ROBO1: variants seen among roughly 807,000 people sequenced by gnomAD.
The protein encoded by ROBO1 is roundabout homolog 1.
A neutral mutation model predicts 195.9 loss-of-function variants in ROBO1; 149 were observed. The ratio of observed to expected loss-of-function variants is 0.76; its 90% CI spans 0.67 to 0.87. ROBO1 has a LOEUF of 0.87. ROBO1 is among the 40% of genes least tolerant of loss of function. The probability of loss-of-function intolerance (pLI) is 0.00; values close to 1 mark genes in which losing one functional copy is unlikely to be tolerated. For synonymous variants in ROBO1, 816 were observed against 733.2 expected (o/e 1.11, Z -1.82); for missense variants, 1,933 against 2,068.3 (o/e 0.93, Z 1.27).
chr3:79,435,848 C>T (rs1575822757), intron 2 of ROBO1, among the ~76,000 whole-genome samples: 1 of 152,170 alleles, frequency 6.6e-6, no homozygotes, highest in Non-Finnish European at 1.5e-5. Flanking sequence ...GATAATTGAG[C>T]TATCTCTAAA....
chr3:78,928,444 A>T (rs969191827), intron 4 of ROBO1, among the ~76,000 whole-genome samples: 1 of 147,832 alleles, frequency 6.8e-6, no homozygotes, highest in East Asian at 1.9e-4. Flanking sequence ...CTTTTTAAAA[A>T]GAAAAGAAGA....
At chr3:78,819,328 C>A (rs2030581805) in intron 4 of ROBO1, among the ~76,000 whole-genome samples, 1 of 151,268 alleles carries the variant, frequency 6.6e-6, no homozygotes, top group African/African-American at 2.4e-5. Context: ...AGTCATAAAA[C>A]TTCATTTCTA....
intron 3 of ROBO1, among the ~76,000 whole-genome samples, chr3:79,017,117 T>C (rs1379034183): frequency 6.6e-6 from 1 of 152,184 alleles, no homozygotes; most frequent in Non-Finnish European, 1.5e-5. Context: ...TTTAAAGAAG[T>C]AACAATTTAA....
At chr3:78,917,689 G>A (rs976373245) in intron 4 of ROBO1, among the ~76,000 whole-genome samples, 12 of 152,132 alleles carry the variant, frequency 7.9e-5, no homozygotes, top group Non-Finnish European at 1.3e-4. Context: ...ACCTTTAAGC[G>A]GAACTTGGCA....
At chr3:79,415,311 AC>A (rs1263099568) in intron 2 of ROBO1, among the ~76,000 whole-genome samples, 1 of 152,154 alleles carries the variant, frequency 6.6e-6, no homozygotes, top group Non-Finnish European at 1.5e-5. Context: ...ATAATATCTT[AC>A]TTTTAAACAC....
chr3:79,527,099 T>A (rs1395309352), intron 2 of ROBO1, among the ~76,000 whole-genome samples: 1 of 152,176 alleles, frequency 6.6e-6, no homozygotes, highest in Non-Finnish European at 1.5e-5. Context: ...TCCAAACCAA[T>A]GTGAGTAGAT....
chr3:78,845,563 G>T (rs1219667354), intron 4 of ROBO1, among the ~76,000 whole-genome samples: 9 of 152,018 alleles, frequency 5.9e-5, no homozygotes, highest in African/African-American at 1.9e-4. Flanking sequence ...TTACTGGAAA[G>T]AAATTGAATA....
At chr3:78,935,560 A>C (rs964197303) in intron 4 of ROBO1, among the ~76,000 whole-genome samples, 1 of 152,066 alleles carries the variant, frequency 6.6e-6, no homozygotes, top group Non-Finnish European at 1.5e-5. Flanking sequence ...TTACAGGAGA[A>C]TAGACCCACA....
intron 3 of ROBO1, among the ~76,000 whole-genome samples, chr3:79,003,436 A>C (rs1333148194): frequency 6.6e-6 from 1 of 152,204 alleles, no homozygotes; most frequent in Non-Finnish European, 1.5e-5. Context: ...CTACTTAATT[A>C]GGAAAATAAT....
At chr3:78,640,455 A>G (rs927476507) in intron 21 of ROBO1, among the ~76,000 whole-genome samples, 1 of 152,218 alleles carries the variant, frequency 6.6e-6, no homozygotes, top group Non-Finnish European at 1.5e-5. Flanking sequence ...AATGTTTCAG[A>G]GCATAGTTCT....
chr3:78,658,937 T>C (rs772442572), intron 17 of ROBO1, among the ~76,000 whole-genome samples: 2 of 152,180 alleles, frequency 1.3e-5, no homozygotes, highest in Admixed American at 6.5e-5. Flanking sequence ...AAATTGACCA[T>C]GAAGTTACGT....
intron 2 of ROBO1, among the ~76,000 whole-genome samples, chr3:79,467,499 C>T (rs540114862): frequency 6.6e-6 from 1 of 151,528 alleles, no homozygotes; most frequent in Non-Finnish European, 1.5e-5. Flanking sequence ...AGAAGGGAGG[C>T]ATGATAGAGA....
At chr3:79,477,503 G>A (rs1262777920) in intron 2 of ROBO1, among the ~76,000 whole-genome samples, 2 of 152,026 alleles carry the variant, frequency 1.3e-5, no homozygotes. Flanking sequence ...GATGATTTAT[G>A]ATATGCAAGA....
chr3:78,628,328 AT>A (rs879412173), intron 25 of ROBO1, among the ~76,000 whole-genome samples: 8 of 151,354 alleles, frequency 5.3e-5, no homozygotes, highest in South Asian at 2.1e-4. Flanking sequence ...AATACAACCC[AT>A]TTTTTTTTCT....
intron 2 of ROBO1, among the ~76,000 whole-genome samples, chr3:79,327,404 C>T (rs944755621): frequency 5.3e-5 from 8 of 151,970 alleles, no homozygotes; most frequent in African/African-American, 1.7e-4. Context: ...AATACATGTT[C>T]AAGAAAATAT....
At chr3:78,910,989 G>A (rs879706361) in intron 4 of ROBO1, among the ~76,000 whole-genome samples, 2 of 151,946 alleles carry the variant, frequency 1.3e-5, no homozygotes, top group Non-Finnish European at 2.9e-5. Flanking sequence ...AAAACATCTA[G>A]ATGATTCTGA....
At chr3:79,365,940 C>T (rs921517292) in intron 2 of ROBO1, among the ~76,000 whole-genome samples, 2 of 151,918 alleles carry the variant, frequency 1.3e-5, no homozygotes, top group African/African-American at 2.4e-5. Context: ...GAGGCTTCTC[C>T]CTCCACTTTT....
intron 2 of ROBO1, among the ~76,000 whole-genome samples, chr3:79,414,181 GTC>G (rs531510002): frequency 1.2e-4 from 18 of 148,526 alleles, no homozygotes; most frequent in East Asian, 4.0e-4. Context: ...TATATTAACA[GTC>G]TCTCTCTCTC....
At chr3:79,530,655 C>T (rs1309247994) in intron 2 of ROBO1, among the ~76,000 whole-genome samples, 1 of 151,956 alleles carries the variant, frequency 6.6e-6, no homozygotes, top group East Asian at 1.9e-4. Context: ...TGCTCAGTGG[C>T]TATCGCTTCC....
Sources: allele counts gnomAD v4.1 joint callset (sites outside exome capture counted in the v4.1 genomes callset), GRCh38; gene constraint gnomAD v4.1.1; transcripts MANE v1.5; gene names NCBI Gene and HGNC (gene_info 2026-07-23, HGNC 2026-07-21).